SYT14: variants seen among roughly 807,000 people sequenced by gnomAD.
SYT14 encodes synaptotagmin 14, also known as synaptotagmin-14.
SYT14 carries 32 observed loss-of-function variants against 74.2 expected under a neutral mutation model. That is an observed-to-expected ratio of 0.43 (90% CI 0.33 to 0.58). SYT14 has a LOEUF of 0.58. Ranked by LOEUF, SYT14 falls within the 20% of genes least tolerant of loss-of-function variation. The pLI is 0.05. For synonymous variants in SYT14, 298 were observed against 337.7 expected (o/e 0.88, Z 1.29); for missense variants, 791 against 981.8 (o/e 0.81, Z 2.60).
At chr1:210,164,870 G>A (rs915198697) in exon 10 of SYT14, 1 of 152,054 alleles carries the variant, frequency 6.6e-6, no homozygotes, top group Non-Finnish European at 1.5e-5. Flanking sequence ...CTACATTGAA[G>A]GTAGCTGTCA....
intron 7 of SYT14, among the ~76,000 whole-genome samples, chr1:210,145,186 T>TA (rs1458701714): frequency 3.9e-5 from 6 of 152,186 alleles, no homozygotes; most frequent in Admixed American, 3.3e-4. Context: ...TGCTACAGGG[T>TA]AAAAAATTGC....
chr1:210,155,577 G>A (rs2083251791), intron 7 of SYT14, 144 bp from the exon 7 acceptor site: 2 of 835,848 alleles, frequency 2.4e-6, no homozygotes. Flanking sequence ...ATATGCTAAG[G>A]ACAATAATTC....
intron 7 of SYT14, among the ~76,000 whole-genome samples, chr1:210,130,523 C>T (rs1484348001): frequency 6.6e-6 from 1 of 152,142 alleles, no homozygotes; most frequent in Non-Finnish European, 1.5e-5. Flanking sequence ...TCCTGGGCTT[C>T]ACTGGTCATT....
At chr1:210,148,652 A>G (rs1572381528) in intron 7 of SYT14, among the ~76,000 whole-genome samples, 1 of 152,234 alleles carries the variant, frequency 6.6e-6, no homozygotes, top group Non-Finnish European at 1.5e-5. Flanking sequence ...TAAGAGTAGT[A>G]GAAAACATGA....
intron 1 of SYT14, among the ~76,000 whole-genome samples, chr1:209,947,815 G>A (rs568532259): frequency 6.6e-6 from 1 of 152,320 alleles, no homozygotes; most frequent in Admixed American, 6.5e-5. Flanking sequence ...GAATCCATCA[G>A]TGTGGTAAAC....
At chr1:210,117,110 A>G (rs1314671033) in intron 7 of SYT14, among the ~76,000 whole-genome samples, 3 of 152,112 alleles carry the variant, frequency 2.0e-5, no homozygotes, top group African/African-American at 4.8e-5. Flanking sequence ...AGACTGAACT[A>G]CCCTCTTTAT....
chr1:210,001,982 C>T (rs2079908982), intron 2 of SYT14, among the ~76,000 whole-genome samples: 1 of 152,182 alleles, frequency 6.6e-6, no homozygotes, highest in East Asian at 1.9e-4. Context: ...ACAGTCAGTT[C>T]TGATTTACAT....
intron 7 of SYT14, among the ~76,000 whole-genome samples, chr1:210,114,389 A>G (rs2082318805): frequency 6.6e-6 from 1 of 151,356 alleles, no homozygotes; most frequent in African/African-American, 2.5e-5. Context: ...AGAGGCAGGT[A>G]ATTGCAACTC....
chr1:210,016,576 G>A (rs2080188387), exon 4 of SYT14: 3 of 1,231,714 alleles, frequency 2.4e-6, no homozygotes, highest in Admixed American at 4.2e-5. Context: ...ATTTAAAGGA[G>A]GTAGGATATC....
chr1:209,968,952 A>G (rs945747661), intron 2 of SYT14, among the ~76,000 whole-genome samples: 15 of 151,742 alleles, frequency 9.9e-5, no homozygotes, highest in East Asian at 5.8e-4. Context: ...TTATGTCCCT[A>G]TGTACCCAGT....
intron 5 of SYT14, among the ~76,000 whole-genome samples, chr1:210,023,912 G>A (rs1319802258): frequency 1.3e-5 from 2 of 152,136 alleles, no homozygotes; most frequent in East Asian, 3.9e-4. Flanking sequence ...AAAATGTAGC[G>A]AATATTTCAG....
chr1:210,002,963 C>T (rs539010303), intron 2 of SYT14, among the ~76,000 whole-genome samples: 29 of 152,126 alleles, frequency 1.9e-4, no homozygotes, highest in African/African-American at 7.0e-4. Context: ...TATCAGTATT[C>T]TCTTGTGTGA....
chr1:210,023,421 G>A (rs1193145070), intron 5 of SYT14, among the ~76,000 whole-genome samples: 2 of 152,188 alleles, frequency 1.3e-5, no homozygotes, highest in African/African-American at 4.8e-5. Flanking sequence ...TTGGCTCACT[G>A]CAACCTCTGC....
Position 210,100,396 on chromosome 1 carries a change from A to T in SYT14, c.1969A>T (p.Thr657Ser), listed in dbSNP as rs1217255892. ...TGTGGGGGAAAAGATTTTTTATTTA[A>T]CAAAATTGAATCTTCAAGGGAAAAT... The change falls in exon 7 of 10, where the codon ACA becomes TCA. Residue 657 changes from threonine (T) to serine (S), a missense_variant. Coordinates refer to ENST00000637265, the Ensembl canonical transcript of SYT14. 1.9e-6 allele frequency: 3 copies of T among 1,613,614 alleles called. No individual in the cohort carries two copies. The East Asian group carries it at 6.7e-5, about 36-fold the overall frequency.
chr1:209,955,439 A>G (rs1478840701), intron 2 of SYT14, among the ~76,000 whole-genome samples: 3 of 152,034 alleles, frequency 2.0e-5, no homozygotes, highest in Non-Finnish European at 4.4e-5. Context: ...CATTTAATTT[A>G]TTAGTAAGTT....
intron 5 of SYT14, among the ~76,000 whole-genome samples, chr1:210,047,793 GTT>G: frequency 6.6e-6 from 1 of 152,268 alleles, no homozygotes; most frequent in South Asian, 2.1e-4. Context: ...TGGCAAACAG[GTT>G]GACTGTAGCT....
intron 2 of SYT14, among the ~76,000 whole-genome samples, chr1:210,001,806 C>T (rs1295348576): frequency 6.6e-6 from 1 of 151,984 alleles, no homozygotes. Context: ...GCCATCAAAG[C>T]AGAGGGGGAA....
chr1:209,965,149 A>G (rs1350250660), intron 2 of SYT14, among the ~76,000 whole-genome samples: 1 of 152,210 alleles, frequency 6.6e-6, no homozygotes, highest in South Asian at 2.1e-4. Context: ...ATACTGTGTG[A>G]TGCTGAAATC....
chr1:210,015,870 A>G (rs2080173081), exon 4 of SYT14: 4 of 1,222,976 alleles, frequency 3.3e-6, no homozygotes, highest in Non-Finnish European at 4.1e-6. Context: ...ATTAAAAGCT[A>G]CAATGTGAAT....
Sources: allele counts gnomAD v4.1 joint callset (sites outside exome capture counted in the v4.1 genomes callset), GRCh38; gene constraint gnomAD v4.1.1; transcripts MANE v1.5; gene names NCBI Gene and HGNC (gene_info 2026-07-23, HGNC 2026-07-21).